The following SOX6 variants were observed in gnomAD, a reference collection of about 807,000 sequenced individuals.
SOX6 encodes the protein SRY-box transcription factor 6.
Under a neutral mutation model 97.8 loss-of-function variants are expected in SOX6, and 11 were observed. That is an observed-to-expected ratio of 0.11 (90% CI 0.07 to 0.19). The LOEUF is 0.19. Ranked by LOEUF, SOX6 falls within the 10% of genes least tolerant of loss-of-function variation. The probability of loss-of-function intolerance (pLI) is 1.00; values close to 1 mark genes in which losing one functional copy is unlikely to be tolerated. For missense variants in SOX6, 810 were observed against 1,039.5 expected, an observed-to-expected ratio of 0.78 and a Z score of 3.04; for synonymous variants, 360 against 371.4, an observed-to-expected ratio of 0.97 and a Z score of 0.35.
At chr11:16,021,018 T>C (rs1341163370) in intron 12 of SOX6, among the ~76,000 whole-genome samples, 2 of 152,114 alleles carry the variant, frequency 1.3e-5, no homozygotes, top group Non-Finnish European at 2.9e-5. Flanking sequence ...TTAAATATTT[T>C]ATAAAAGAGG....
At chr11:16,136,605 A>T (rs1453525445) in intron 6 of SOX6, among the ~76,000 whole-genome samples, 2 of 151,884 alleles carry the variant, frequency 1.3e-5, no homozygotes, top group Admixed American at 6.6e-5. Flanking sequence ...CTAATTTTTT[A>T]AAAAATTTAT....
chr11:16,024,021 G>A (rs1231842351), intron 12 of SOX6, among the ~76,000 whole-genome samples: 2 of 152,094 alleles, frequency 1.3e-5, no homozygotes, highest in Non-Finnish European at 2.9e-5. Context: ...TTTGGAGACG[G>A]GGCCTTTAAA....
At chr11:16,015,130 G>T in intron 12 of SOX6, 80 bp from the exon 13 acceptor site, 1 of 1,192,890 alleles carries the variant, frequency 8.4e-7, no homozygotes, top group Non-Finnish European at 1.2e-6. Context: ...CTTGCTTAAT[G>T]GCCAAAAGGT....
At chr11:16,419,012 AT>A (rs1444269582) in intron 1 of SOX6, among the ~76,000 whole-genome samples, 3 of 152,146 alleles carry the variant, frequency 2.0e-5, no homozygotes, top group Non-Finnish European at 4.4e-5. Flanking sequence ...GAGTATTTAT[AT>A]TAACATTCCA....
intron 4 of SOX6, among the ~76,000 whole-genome samples, chr11:16,560,322 G>A (rs146622029): frequency 2.6e-5 from 4 of 152,202 alleles, no homozygotes; most frequent in African/African-American, 7.2e-5. Flanking sequence ...AGGGCTTCAC[G>A]TGTAATTGAC....
At chr11:16,030,195 G>GT (rs1435825783) in intron 12 of SOX6, among the ~76,000 whole-genome samples, 1 of 152,118 alleles carries the variant, frequency 6.6e-6, no homozygotes, top group Non-Finnish European at 1.5e-5. Flanking sequence ...TAAAGTCTTA[G>GT]TGTAAATATG....
intron 2 of SOX6, among the ~76,000 whole-genome samples, chr11:16,727,880 T>C (rs1165133519): frequency 6.6e-6 from 1 of 152,216 alleles, no homozygotes; most frequent in Non-Finnish European, 1.5e-5. Context: ...AAAGGATTAT[T>C]ACCCACTAAT....
chr11:16,431,782 A>G (rs896703924), intron 1 of SOX6, among the ~76,000 whole-genome samples: 3 of 152,110 alleles, frequency 2.0e-5, no homozygotes, highest in Non-Finnish European at 2.9e-5. Context: ...AGTATTTGTC[A>G]TAGATAACTT....
intron 6 of SOX6, among the ~76,000 whole-genome samples, chr11:16,170,351 A>G (rs1014571979): frequency 6.6e-6 from 1 of 151,786 alleles, no homozygotes; most frequent in Non-Finnish European, 1.5e-5. Context: ...ACAACTTCAC[A>G]GCTACTTAGT....
At chr11:16,518,986 T>C (rs932399724) in intron 4 of SOX6, among the ~76,000 whole-genome samples, 2 of 152,274 alleles carry the variant, frequency 1.3e-5, no homozygotes, top group East Asian at 3.9e-4. Context: ...ATACTATTCA[T>C]ATCTGAGCAG....
chr11:16,018,391 A>T (rs1041993666), intron 12 of SOX6, among the ~76,000 whole-genome samples: 1 of 151,994 alleles, frequency 6.6e-6, no homozygotes, highest in Admixed American at 6.6e-5. Context: ...TTGTCTTTGC[A>T]TGGGTGGAGA....
chr11:16,709,448 G>A (rs1271176346), intron 3 of SOX6, among the ~76,000 whole-genome samples: 2 of 152,050 alleles, frequency 1.3e-5, no homozygotes, highest in East Asian at 1.9e-4. Context: ...AACTCAAGAG[G>A]TGGAGGTTGC....
At chr11:16,659,615 G>A (rs1417238992) in intron 3 of SOX6, among the ~76,000 whole-genome samples, 1 of 152,202 alleles carries the variant, frequency 6.6e-6, no homozygotes, top group Admixed American at 6.5e-5. Flanking sequence ...ATCAAGTTGG[G>A]AAGAAGTGAC....
chr11:16,110,631 A>G (rs1849206004), intron 7 of SOX6, among the ~76,000 whole-genome samples: 1 of 152,146 alleles, frequency 6.6e-6, no homozygotes, highest in Non-Finnish European at 1.5e-5. Flanking sequence ...CACCAATCTC[A>G]TAACATCTCA....
intron 3 of SOX6, among the ~76,000 whole-genome samples, chr11:16,291,433 A>G (rs1375289016): frequency 1.3e-5 from 2 of 151,910 alleles, no homozygotes; most frequent in Non-Finnish European, 2.9e-5. Flanking sequence ...GGATGGATGG[A>G]TGAAAGAACG....
intron 4 of SOX6, among the ~76,000 whole-genome samples, chr11:16,191,905 C>T (rs1851643052): frequency 6.6e-6 from 1 of 150,910 alleles, no homozygotes; most frequent in East Asian, 1.9e-4. Context: ...GTCTTTATCC[C>T]CAAACCACAT....
At position 16,668,765 on chromosome 11, in the gene SOX6, C is replaced by A. The variant is rs141912193; in HGVS notation, n.429+46065G>T. ...AAGTGCAGGAGTAGCTACACTTAGA[C>A]GAAATAGATTTCAAGACAAAAAGTA... is the stretch of plus-strand genomic sequence containing the variant. On this transcript the variant is annotated intron_variant and non_coding_transcript_variant, in intron 3 of 5. Transcript: ENST00000524520. 3.3e-3 allele frequency among the ~76,000 whole-genome samples: 508 copies of A among 151,998 alleles called. 3 individuals are homozygous for A. Among genetic ancestry groups the A allele is most frequent in the Non-Finnish European group, 5.4e-3 (368 of 67,970 alleles).
intron 7 of SOX6, among the ~76,000 whole-genome samples, chr11:16,098,172 T>C (rs1301121258): frequency 6.6e-6 from 1 of 151,756 alleles, no homozygotes; most frequent in Non-Finnish European, 1.5e-5. Flanking sequence ...AATTAAAAAA[T>C]ACAACCTCTT....
intron 4 of SOX6, among the ~76,000 whole-genome samples, chr11:16,503,860 A>C (rs542312217): frequency 1.3e-5 from 2 of 151,990 alleles, no homozygotes; most frequent in Admixed American, 1.3e-4. Flanking sequence ...CTGGCTAACA[A>C]GGTGAAACTC....
Sources: gnomAD v4.1 joint callset for allele counts (sites outside exome capture counted in the v4.1 genomes callset) on GRCh38, gnomAD v4.1.1 for gene constraint, MANE v1.5 for transcripts, NCBI Gene and HGNC (gene_info 2026-07-23, HGNC 2026-07-21) for gene names.